The following AUTS2 variants were observed in gnomAD, a reference collection of about 807,000 sequenced individuals.
AUTS2 encodes the protein activator of transcription and developmental regulator AUTS2.
In AUTS2, 17 loss-of-function variants were observed where a neutral mutation model predicts 112.4. The ratio of observed to expected loss-of-function variants is 0.15; its 90% CI spans 0.10 to 0.23. The LOEUF (loss-of-function observed/expected upper bound fraction) is 0.23. Ranked by LOEUF, AUTS2 falls within the 10% of genes least tolerant of loss-of-function variation. The pLI, the probability that AUTS2 is intolerant of heterozygous loss-of-function variation, is 1.00. For missense variants in AUTS2, 1,510 were observed against 1,701.6 expected, an observed-to-expected ratio of 0.89 and a Z score of 1.98; for synonymous variants, 751 against 702.7, an observed-to-expected ratio of 1.07 and a Z score of -1.09.
intron 1 of AUTS2, among the ~76,000 whole-genome samples, chr7:69,737,454 T>C (rs1787082720): frequency 6.6e-6 from 1 of 152,150 alleles, no homozygotes; most frequent in African/African-American, 2.4e-5. Context: ...GTCACTGTGG[T>C]GTCCTCAGAA....
intron 1 of AUTS2, among the ~76,000 whole-genome samples, chr7:69,838,448 A>G (rs540224461): frequency 2.0e-5 from 3 of 152,226 alleles, no homozygotes; most frequent in African/African-American, 4.8e-5. Flanking sequence ...CAAGTGAGGA[A>G]ACTGAGGCAC....
chr7:70,336,624 A>G (rs1791002600), intron 4 of AUTS2, among the ~76,000 whole-genome samples: 1 of 152,134 alleles, frequency 6.6e-6, no homozygotes, highest in African/African-American at 2.4e-5. Context: ...ATACACATTC[A>G]GGATTCTTTA....
At chr7:70,092,840 G>A (rs1002486448) in intron 2 of AUTS2, among the ~76,000 whole-genome samples, 2 of 152,092 alleles carry the variant, frequency 1.3e-5, no homozygotes, top group African/African-American at 4.8e-5. Context: ...TCAGCTAGGA[G>A]CACCACTCGC....
intron 1 of AUTS2, among the ~76,000 whole-genome samples, chr7:69,883,491 C>T (rs986541716): frequency 6.6e-6 from 1 of 152,062 alleles, no homozygotes; most frequent in Admixed American, 6.6e-5. Flanking sequence ...GTTTCCAACC[C>T]AGCTCTTCTC....
chr7:70,132,256 T>C (rs1415934583), intron 3 of AUTS2, among the ~76,000 whole-genome samples: 1 of 151,828 alleles, frequency 6.6e-6, no homozygotes, highest in Non-Finnish European at 1.5e-5. Flanking sequence ...TAGCAAATGC[T>C]GAAACAAATT....
At chr7:70,099,894 T>C (rs1252697246) in intron 2 of AUTS2, among the ~76,000 whole-genome samples, 2 of 152,236 alleles carry the variant, frequency 1.3e-5, no homozygotes, top group African/African-American at 4.8e-5. Flanking sequence ...TCTTCAGTTT[T>C]TACATATATA....
intron 4 of AUTS2, chr7:70,291,568 G>C (rs975659320): frequency 2.0e-5 from 3 of 152,194 alleles, no homozygotes; most frequent in African/African-American, 4.8e-5. Flanking sequence ...GTTCACATGG[G>C]TTTTGAGAGT....
chr7:70,787,388 G>A lies in AUTS2; in HGVS notation c.2488G>A (p.Val830Ile). 6.2e-7 allele frequency: 1 copy of A among 1,613,874 alleles called. No individual in the cohort carries two copies. The highest frequency in any genetic ancestry group is 8.5e-7 in the Non-Finnish European group (1 of 1,179,854). ...SAAAHDRDRD[V>I]DKRDSSVSKD... The stretch of plus-strand genomic sequence containing the variant: ...TGCAGCTCATGACAGAGATAGAGAT[G>A]TAGATAAACGAGACTCATCTGTTAG... Residue 830 changes from valine to isoleucine, a missense_variant, in exon 18 of 19, where the codon GTA (valine) becomes ATA (isoleucine). Around this residue, in one of 3 missense-constraint regions of AUTS2, gnomAD observed 788 missense variants for 797.6 expected, o/e 0.99. Coordinates refer to ENST00000342771, the MANE Select transcript of AUTS2 (RefSeq NM_015570.4).
At chr7:70,018,804 A>G (rs1449502350) in intron 2 of AUTS2, among the ~76,000 whole-genome samples, 1 of 152,186 alleles carries the variant, frequency 6.6e-6, no homozygotes, top group African/African-American at 2.4e-5. Context: ...TGCTTATACA[A>G]TGTTGGTAGG....
intron 4 of AUTS2, among the ~76,000 whole-genome samples, chr7:70,170,732 C>T (rs559739537): frequency 6.6e-6 from 1 of 151,738 alleles, no homozygotes; most frequent in Admixed American, 6.6e-5. Context: ...CTCACCTTGC[C>T]GAGTAGCTGA....
At chr7:70,009,248 C>T (rs1463426445) in intron 2 of AUTS2, among the ~76,000 whole-genome samples, 2 of 152,132 alleles carry the variant, frequency 1.3e-5, no homozygotes, top group African/African-American at 2.4e-5. Context: ...GTGTGAATGA[C>T]GTTAATTCAC....
Position 69,739,102 on chromosome 7 carries a change from T to C in AUTS2, c.309+139140T>C, listed in dbSNP as rs190145026. On this transcript the variant is annotated intron_variant, in intron 1 of 18. Coordinates refer to ENST00000342771, the MANE Select transcript of AUTS2 (RefSeq NM_015570.4). ...GTTAAAAAGCACTAAAGAAAAGGAA[T>C]AGGATATAAAACCAATCTTCAGGGG... Among the ~76,000 whole-genome samples, 14 of 152,124 alleles carry C rather than the reference T, an allele frequency of 9.2e-5. No individual in the cohort carries two copies. The East Asian group carries it at 1.5e-3, about 17-fold the overall frequency.
intron 3 of AUTS2, among the ~76,000 whole-genome samples, chr7:70,123,043 T>C (rs1008924116): frequency 6.6e-6 from 1 of 151,944 alleles, no homozygotes; most frequent in Non-Finnish European, 1.5e-5. Flanking sequence ...GCCCAGCTAA[T>C]TTTTCATATT....
At chr7:70,618,226 A>G (rs1159113531) in intron 5 of AUTS2, among the ~76,000 whole-genome samples, 1 of 152,194 alleles carries the variant, frequency 6.6e-6, no homozygotes, top group Admixed American at 6.5e-5. Context: ...AGACCTGTAG[A>G]GAGGCCAAGT....
intron 4 of AUTS2, among the ~76,000 whole-genome samples, chr7:70,167,254 CAG>C (rs770684856): frequency 6.6e-6 from 1 of 151,986 alleles, no homozygotes; most frequent in African/African-American, 2.4e-5. Context: ...AAAACAAAAA[CAG>C]AAGTGGTTTT....
chr7:70,665,870 C>A (rs1231017512), intron 5 of AUTS2, among the ~76,000 whole-genome samples: 1 of 152,192 alleles, frequency 6.6e-6, no homozygotes, highest in East Asian at 1.9e-4. Context: ...GGAACCAATT[C>A]TTCACATATA....
In AUTS2 at chr7:69,796,681, A is replaced by G. The variant is rs1050660258; in HGVS notation, c.310-102605A>G. On this transcript the variant is annotated intron_variant, in intron 1 of 18. Transcript: ENST00000342771. ...TGAACAATTGTGGGAATATGTACAG[A>G]CAGATTTGCAGGGTAGCTGAAAAGA... Among the ~76,000 whole-genome samples, 21 of 152,312 alleles carry G rather than the reference A, an allele frequency of 1.4e-4. No individual in the cohort carries two copies. The East Asian group carries it at 3.9e-3, about 28-fold the overall frequency.
At chr7:70,187,733 A>G (rs1207787887) in intron 4 of AUTS2, among the ~76,000 whole-genome samples, 4 of 152,028 alleles carry the variant, frequency 2.6e-5, no homozygotes, top group African/African-American at 9.7e-5. Flanking sequence ...ATGTCATAAT[A>G]AAAGGAAGAA....
chr7:70,792,123 G>A lies in AUTS2; in HGVS notation c.*1127G>A, dbSNP rs908832158. ...GTTTTCACTGTATTCAATAACTGAC[G>A]GATGTAAGGTGCACGTTTCCTGATG... On this transcript the variant is annotated 3_prime_UTR_variant, in exon 19 of 19. Coordinates refer to ENST00000342771, the MANE Select transcript of AUTS2 (RefSeq NM_015570.4). 2 of 152,294 alleles carry A rather than the reference G, an allele frequency of 1.3e-5. No homozygotes were observed. Among genetic ancestry groups the A allele is most frequent in the South Asian group, 4.2e-4 (2 of 4,802 alleles). The allele number at this position is 152,294 out of a possible 1,614,324, so 9.4% of individuals were successfully genotyped here.
Sources: allele counts gnomAD v4.1 joint callset (sites outside exome capture counted in the v4.1 genomes callset), GRCh38; gene constraint gnomAD v4.1.1; regional missense constraint gnomAD v4.1.1; transcripts MANE v1.5; gene names NCBI Gene and HGNC (gene_info 2026-07-23, HGNC 2026-07-21).